Variants in MRPL48 observed in about 807,000 individuals in gnomAD.
MRPL48 encodes the protein large ribosomal subunit protein mL48.
MRPL48 carries 16 observed loss-of-function variants against 32.9 expected under a neutral mutation model. That is an observed-to-expected ratio of 0.49 (90% CI 0.33 to 0.74). The LOEUF (loss-of-function observed/expected upper bound fraction) is 0.74, where lower values mean the gene tolerates loss of function less well. Ranked by LOEUF, MRPL48 falls within the 30% of genes least tolerant of loss-of-function variation. The pLI, the probability that MRPL48 is intolerant of heterozygous loss-of-function variation, is 0.02. For synonymous variants in MRPL48, 94 were observed against 89.2 expected, an observed-to-expected ratio of 1.05 and a Z score of -0.31; for missense variants, 206 against 245.3, an observed-to-expected ratio of 0.84 and a Z score of 1.07.
At chr11:73,838,267 C>G (rs1172985283) in intron 4 of MRPL48, among the ~76,000 whole-genome samples, 1 of 152,164 alleles carries the variant, frequency 6.6e-6, no homozygotes, top group Non-Finnish European at 1.5e-5. Context: ...ATGACAGAAA[C>G]TGGCATCTGG....
chr11:73,857,943 T>C (rs1204892560), intron 5 of MRPL48, among the ~76,000 whole-genome samples: 1 of 152,140 alleles, frequency 6.6e-6, no homozygotes, highest in African/African-American at 2.4e-5. Flanking sequence ...TTAGTAAATA[T>C]TTGTTGAGTG....
At chr11:73,857,894 C>A (rs1234525565) in intron 5 of MRPL48, among the ~76,000 whole-genome samples, 1 of 151,160 alleles carries the variant, frequency 6.6e-6, no homozygotes, top group Non-Finnish European at 1.5e-5. Context: ...CATGCATAGA[C>A]TTCTTTGCCC....
At chr11:73,842,168 C>T (rs1948197420) in intron 4 of MRPL48, 1 of 152,202 alleles carries the variant, frequency 6.6e-6, no homozygotes, top group African/African-American at 2.4e-5. Context: ...CCAGGCTGGT[C>T]CTGAACTCCT....
chr11:73,825,907 G>T, intron 4 of MRPL48, 111 bp downstream of exon 4: 1 of 935,222 alleles, frequency 1.1e-6, no homozygotes. Flanking sequence ...TGATAAAGTT[G>T]CCTCTCAATC....
chr11:73,860,042 G>T (rs1948556853), intron 6 of MRPL48, 33 bp downstream of exon 6: 3 of 1,544,538 alleles, frequency 1.9e-6, no homozygotes, highest in Non-Finnish European at 2.7e-6. Context: ...AAATGTATTT[G>T]CTTCTCCTGG....
intron 3 of MRPL48, chr11:73,818,005 G>C (rs1947707200): frequency 6.3e-6 from 1 of 158,920 alleles, no homozygotes; most frequent in Non-Finnish European, 1.4e-5. Context: ...TGAAGACAGG[G>C]TCTTGTTGTG....
intron 3 of MRPL48, among the ~76,000 whole-genome samples, chr11:73,809,089 C>T (rs1947518472): frequency 1.3e-5 from 2 of 151,870 alleles, no homozygotes. Context: ...TGAGCTATGA[C>T]TGTGCCACTG....
rs374702382 is a variant in MRPL48, at chr11:73,825,766, A to G, written c.171A>G (p.Gly57=). 354 of 1,568,710 alleles carry G rather than the reference A, an allele frequency of 2.3e-4. No homozygotes were observed. Among genetic ancestry groups the G allele is most frequent in the Non-Finnish European group, 2.7e-4 (318 of 1,156,906 alleles). ...PYKTKPTHGI[G]KYKHLIKAEE... Reference sequence around the variant, plus strand: ...AGACAAAGCCCACCCACGGCATTGGAAAGTACAAGCACTTAATTAAAGCAG... The same window carrying G: ...AGACAAAGCCCACCCACGGCATTGGGAAGTACAAGCACTTAATTAAAGCAG... Residue 57 remains glycine, a synonymous_variant, in exon 4 of 8, where the codon GGA becomes GGG. Transcript: ENST00000310614.
intron 5 of MRPL48, chr11:73,850,678 AT>A (rs34562115): frequency 0.025 from 4,614 of 185,036 alleles, no homozygotes; most frequent in South Asian, 0.056. Flanking sequence ...GGGCTATACA[AT>A]TTTTTTTTTT....
chr11:73,863,465 A>G (rs2135096413), intron 7 of MRPL48, among the ~76,000 whole-genome samples: 1 of 152,326 alleles, frequency 6.6e-6, no homozygotes, highest in East Asian at 1.9e-4. Flanking sequence ...TTTGTGGCCT[A>G]TGAGTGCTGA....
chr11:73,826,793 T>TTTTTTA (rs1947901514), intron 4 of MRPL48, among the ~76,000 whole-genome samples: 1 of 148,284 alleles, frequency 6.7e-6, no homozygotes, highest in Non-Finnish European at 1.5e-5. Flanking sequence ...TTTTTTTTTT[T>TTTTTTA]GAGATGGAGT....
intron 3 of MRPL48, among the ~76,000 whole-genome samples, chr11:73,816,790 T>A (rs565035854): frequency 1.3e-4 from 19 of 151,978 alleles, no homozygotes; most frequent in African/African-American, 4.3e-4. Flanking sequence ...ATCTGGTAGC[T>A]ACCTAATTCG....
intron 3 of MRPL48, among the ~76,000 whole-genome samples, chr11:73,812,178 G>C (rs986557598): frequency 6.6e-6 from 1 of 152,040 alleles, no homozygotes; most frequent in Non-Finnish European, 1.5e-5. Flanking sequence ...GAGCCACCGC[G>C]CCCGGCCCTC....
intron 5 of MRPL48, among the ~76,000 whole-genome samples, chr11:73,846,921 T>C (rs1487756586): frequency 6.6e-6 from 1 of 151,880 alleles, no homozygotes; most frequent in Non-Finnish European, 1.5e-5. Flanking sequence ...ATTTTAAAAT[T>C]TTTTGTAGAG....
chr11:73,807,361 T>A (rs1423619982), intron 2 of MRPL48, among the ~76,000 whole-genome samples: 1 of 149,846 alleles, frequency 6.7e-6, no homozygotes, highest in Admixed American at 6.7e-5. Context: ...TATTGAGGGC[T>A]TTCTCCCTTT....
At chr11:73,822,703 A>G (rs758993453) in intron 3 of MRPL48, among the ~76,000 whole-genome samples, 1 of 152,190 alleles carries the variant, frequency 6.6e-6, no homozygotes, top group Non-Finnish European at 1.5e-5. Flanking sequence ...CACTTAGATC[A>G]GGAATCCCCA....
chr11:73,828,336 C>T (rs1293133574), intron 4 of MRPL48, among the ~76,000 whole-genome samples: 3 of 151,770 alleles, frequency 2.0e-5, no homozygotes, highest in Admixed American at 6.6e-5. Context: ...GAGAGCCTCC[C>T]ATCTCAGCCT....
chr11:73,837,019 C>A (rs927047176), intron 4 of MRPL48, among the ~76,000 whole-genome samples: 2 of 152,176 alleles, frequency 1.3e-5, no homozygotes, highest in Non-Finnish European at 2.9e-5. Flanking sequence ...CATACTCAAT[C>A]GCTGCATACC....
At chr11:73,835,033 A>C (rs1183812072) in intron 4 of MRPL48, among the ~76,000 whole-genome samples, 1 of 149,400 alleles carries the variant, frequency 6.7e-6, no homozygotes. Context: ...GGGTCTTGCC[A>C]TGTTGCCCAG....
Sources: allele counts gnomAD v4.1 joint callset (sites outside exome capture counted in the v4.1 genomes callset), GRCh38; gene constraint gnomAD v4.1.1; transcripts MANE v1.5; gene names NCBI Gene and HGNC (gene_info 2026-07-23, HGNC 2026-07-21).